Variants in RIF1 observed in about 807,000 individuals in gnomAD.
RIF1 encodes the protein replication timing regulatory factor 1, also known as telomere-associated protein RIF1.
A neutral mutation model predicts 247.1 loss-of-function variants in RIF1; 45 were observed. The ratio of observed to expected loss-of-function variants is 0.18; its 90% CI spans 0.14 to 0.23. The LOEUF is 0.23. Among genes scored for constraint, RIF1 ranks in the 10% least tolerant of loss-of-function variants. The pLI, the probability that RIF1 is intolerant of heterozygous loss-of-function variation, is 1.00. For synonymous variants in RIF1, 1,087 were observed against 978.8 expected, an observed-to-expected ratio of 1.11 and a Z score of -2.06; for missense variants, 2,967 against 2,862.5, an observed-to-expected ratio of 1.04 and a Z score of -0.83.
chr2:151,451,857 A>C, intron 21 of RIF1, 152 bp downstream of exon 21: 1 of 543,864 alleles, frequency 1.8e-6, no homozygotes, highest in Non-Finnish European at 3.3e-6. Context: ...GCTTTCATAC[A>C]TGTTCTCTCT....
intron 2 of RIF1, 65 bp from the exon 3 acceptor site, chr2:151,411,195 A>G (rs1686137815): frequency 2.0e-6 from 2 of 980,204 alleles, no homozygotes; most frequent in Admixed American, 4.5e-5. Context: ...TTGTACATGT[A>G]TTTTTGAGAG....
chr2:151,423,599 T>C (rs1271339432), intron 8 of RIF1: 1 of 152,668 alleles, frequency 6.6e-6, no homozygotes, highest in African/African-American at 2.4e-5. Flanking sequence ...AAGCAGGTTA[T>C]ATATTGAACA....
At chr2:151,458,935 A>T in intron 25 of RIF1, 25 bp downstream of exon 25, 1 of 1,390,320 alleles carries the variant, frequency 7.2e-7, no homozygotes, top group South Asian at 1.2e-5. Context: ...TTTATTGTTC[A>T]TTTGTTTTTG....
chr2:151,527,290 A>T, the RIF1 span, among the ~76,000 whole-genome samples: 7 of 152,172 alleles, frequency 4.6e-5, no homozygotes, highest in Admixed American at 3.9e-4. Flanking sequence ...GCCCAGCCAA[A>T]GGAGAATAGG....
the RIF1 span, chr2:151,526,020 T>C: frequency 5.0e-6 from 8 of 1,614,022 alleles, no homozygotes; most frequent in African/African-American, 2.7e-5. Flanking sequence ...GGTAGTGTTG[T>C]GTATGAGCCC....
the RIF1 span, chr2:151,516,432 T>C: frequency 6.8e-7 from 1 of 1,460,610 alleles, no homozygotes; most frequent in South Asian, 1.2e-5. Context: ...TGGATCATTG[T>C]TGTGTGGTGT....
At chr2:151,424,446 G>A (rs897025724) in intron 8 of RIF1, among the ~76,000 whole-genome samples, 1 of 152,188 alleles carries the variant, frequency 6.6e-6, no homozygotes. Flanking sequence ...ATATATTAAA[G>A]TTGGATTCTT....
At chr2:151,434,267 A>G (rs952925316) in intron 10 of RIF1, among the ~76,000 whole-genome samples, 4 of 151,990 alleles carry the variant, frequency 2.6e-5, no homozygotes, top group African/African-American at 7.2e-5. Flanking sequence ...TCTAGGCTGC[A>G]TAGTGATAAC....
At chr2:151,505,897 C>T (rs1014656979) in intron 12 of RIF1, 14 of 547,552 alleles carry the variant, frequency 2.6e-5, no homozygotes, top group Admixed American at 9.3e-5. Context: ...ATACATATAT[C>T]CAGGAAGGTT....
the RIF1 span, among the ~76,000 whole-genome samples, chr2:151,517,962 C>T: frequency 6.6e-6 from 1 of 152,102 alleles, no homozygotes; most frequent in Admixed American, 6.5e-5. Context: ...GATCGTATCA[C>T]TTCTCTGTTT....
chr2:151,417,057 G>A (rs1687328353), intron 6 of RIF1, among the ~76,000 whole-genome samples, 156 bp downstream of exon 6: 1 of 152,150 alleles, frequency 6.6e-6, no homozygotes, highest in African/African-American at 2.4e-5. Context: ...AAAAAAGATG[G>A]AAGTAGATAT....
chr2:151,416,373 A>G (rs996082024), intron 4 of RIF1, among the ~76,000 whole-genome samples, 188 bp from the exon 5 acceptor site: 6 of 152,082 alleles, frequency 3.9e-5, no homozygotes, highest in Non-Finnish European at 7.4e-5. Flanking sequence ...CTCTCAGTAT[A>G]TCCTCCCCTC....
At chr2:151,474,144 T>A in intron 35 of RIF1, 72 bp downstream of exon 35, 1 of 779,858 alleles carries the variant, frequency 1.3e-6, no homozygotes, top group Non-Finnish European at 2.2e-6. Flanking sequence ...GTTATTTTTT[T>A]TAGTCTGATT....
the RIF1 span, chr2:151,532,040 G>A: frequency 1.7e-6 from 1 of 599,894 alleles, no homozygotes; most frequent in African/African-American, 1.9e-5. Context: ...CTATAAATTT[G>A]TGTCTGATAG....
intron 10 of RIF1, chr2:151,497,857 T>G (rs1204147437): frequency 1.3e-6 from 2 of 1,512,594 alleles, no homozygotes; most frequent in East Asian, 4.9e-5. Flanking sequence ...ACTACTTTAG[T>G]GGAAGCTGTT....
At chr2:151,410,111 G>T in intron 1 of RIF1, 78 bp downstream of exon 1, 1 of 689,930 alleles carries the variant, frequency 1.4e-6, no homozygotes, top group Non-Finnish European at 2.7e-6. Context: ...CTCGCGGCGA[G>T]ATGCCTCGTT....
At chr2:151,456,091 G>GA (rs1282826253) in intron 22 of RIF1, among the ~76,000 whole-genome samples, 10 of 149,622 alleles carry the variant, frequency 6.7e-5, no homozygotes, top group Non-Finnish European at 1.3e-4. Context: ...AAACCTGAAA[G>GA]AAAAAAAAAG....
intron 35 of RIF1, among the ~76,000 whole-genome samples, chr2:151,474,287 T>C (rs573497591): frequency 6.6e-6 from 1 of 152,380 alleles, no homozygotes; most frequent in South Asian, 2.1e-4. Context: ...ATTTAAACTA[T>C]ACACTTTCTC....
At chr2:151,428,469 G>T (rs1689499650) in intron 8 of RIF1, among the ~76,000 whole-genome samples, 1 of 151,938 alleles carries the variant, frequency 6.6e-6, no homozygotes, top group African/African-American at 2.4e-5. Flanking sequence ...TAAAGTTTGG[G>T]ATTTATCTGC....
Sources: allele counts gnomAD v4.1 joint callset (sites outside exome capture counted in the v4.1 genomes callset), GRCh38; gene constraint gnomAD v4.1.1; transcripts MANE v1.5; gene names NCBI Gene and HGNC (gene_info 2026-07-23, HGNC 2026-07-21).